The following ANKRD39 variants were observed in gnomAD, a reference collection of about 807,000 sequenced individuals.
ANKRD39 encodes the protein ankyrin repeat domain-containing protein 39.
ANKRD39 carries 18 observed loss-of-function variants against 20.3 expected under a neutral mutation model. The ratio of observed to expected loss-of-function variants is 0.89; its 90% CI spans 0.61 to 1.32. The LOEUF (loss-of-function observed/expected upper bound fraction) is 1.32. ANKRD39 is among the 40% of genes most tolerant of loss of function. The probability of loss-of-function intolerance (pLI) is 0.00; values close to 1 mark genes in which losing one functional copy is unlikely to be tolerated. For synonymous variants in ANKRD39, 106 were observed against 111.9 expected (o/e 0.95, Z 0.33); for missense variants, 243 against 250.7 (o/e 0.97, Z 0.21).
rs772419724 is a variant in ANKRD39, at chr2:96,857,980, G to A, written c.8C>T (p.Thr3Met). Residue 3 changes from threonine to methionine, a missense_variant, in exon 1 of 4, where the codon ACG (threonine) becomes ATG (methionine). Coordinates refer to ENST00000393537, the MANE Select transcript of ANKRD39 (RefSeq NM_016466.6). MATPRPCADGPCC... is the reference protein window; with the variant it reads MAMPRPCADGPCC... ...GGGCCCGTCCGCGCAGGGCCGAGGC[G>A]TCGCCATCCCGGCCCCGGCGTCAGT... The A allele has an allele frequency of 2.0e-6, 3 of 1,536,384 alleles. No homozygotes were observed. Among genetic ancestry groups the A allele is most frequent in the East Asian group, 2.5e-5 (1 of 40,136 alleles).
chr2:96,856,171 T>C (rs1026176898), intron 1 of ANKRD39, among the ~76,000 whole-genome samples: 1 of 152,104 alleles, frequency 6.6e-6, no homozygotes, highest in Non-Finnish European at 1.5e-5. Context: ...GCGGTAAAAA[T>C]TGTTTTTTAT....
In ANKRD39 at chr2:96,848,478, C is replaced by G. The variant is rs180811750; in HGVS notation, c.409-34G>C. 4.2e-4 allele frequency: 681 copies of G among 1,609,576 alleles called. 3 individuals are homozygous for G. In the African/African-American group the frequency reaches 8.2e-3, roughly 19 times the overall value. ...AGAAAGGCTGGAATCAAAGGGCATACCCCCCCACTGGGCTCTGCTCTCTCT... is the reference window on the plus strand; with the variant it reads ...AGAAAGGCTGGAATCAAAGGGCATAGCCCCCCACTGGGCTCTGCTCTCTCT... On this transcript the variant is annotated intron_variant, in intron 3 of 3. Coordinates refer to ENST00000393537, the MANE Select transcript of ANKRD39 (RefSeq NM_016466.6).
intron 3 of ANKRD39, among the ~76,000 whole-genome samples, chr2:96,851,607 A>G (rs2153359732): frequency 6.6e-6 from 1 of 152,298 alleles, no homozygotes; most frequent in African/African-American, 2.4e-5. Context: ...CAACAATTTG[A>G]ACAGGACAAA....
Position 96,848,371 on chromosome 2 carries a change from TC to T in ANKRD39, c.481del (p.Asp161ThrfsTer6), listed in dbSNP as rs1559024197. On this transcript the variant is annotated frameshift_variant, in exon 4 of 4. Transcript: ENST00000393537. LOFTEE classifies it high-confidence loss of function. ...GTCACATGCTAGCCGTGCCTTTCGG[TC>T]CCGGATGGCCTTCAGGGCTGGGCTG... ...QHSPALKAIR[D>X]RKARLACDLL... The T allele has an allele frequency of 1.9e-6, 3 of 1,614,164 alleles. No individual in the cohort carries two copies. Among genetic ancestry groups the T allele is most frequent in the East Asian group, 2.2e-5 (1 of 44,884 alleles).
chr2:96,853,992 T>C (rs190807319), intron 2 of ANKRD39, among the ~76,000 whole-genome samples: 20 of 152,266 alleles, frequency 1.3e-4, no homozygotes, highest in Admixed American at 7.2e-4. Context: ...CTGGGTGTGG[T>C]GGCACATGCC....
intron 1 of ANKRD39, among the ~76,000 whole-genome samples, chr2:96,857,489 C>G (rs1363267818): frequency 6.6e-6 from 1 of 152,272 alleles, no homozygotes; most frequent in East Asian, 1.9e-4. Context: ...GGCCACTGCT[C>G]TCCTTCACCG....
At position 96,857,996 on chromosome 2, in the gene ANKRD39, C is replaced by G; in HGVS notation, c.-9G>C. On this transcript the variant is annotated 5_prime_UTR_variant, in exon 1 of 4. Transcript: ENST00000393537. The stretch of plus-strand genomic sequence containing the variant: ...GGCCGAGGCGTCGCCATCCCGGCCC[C>G]GGCGTCAGTCGATCCGCCCCGGGTC... 6.6e-7 allele frequency: 1 copy of G among 1,520,848 alleles called. No homozygotes were observed. Among genetic ancestry groups the G allele is most frequent in the Non-Finnish European group, 8.8e-7 (1 of 1,140,606 alleles). The allele number at this position is 1,520,848 out of a possible 1,614,324, so 94.2% of individuals were successfully genotyped here.
chr2:96,855,046 A>G (rs1376989123), intron 1 of ANKRD39, among the ~76,000 whole-genome samples: 1 of 152,246 alleles, frequency 6.6e-6, no homozygotes, highest in Non-Finnish European at 1.5e-5. Flanking sequence ...ACAAGAAGCA[A>G]TCTGCTGCCC....
intron 1 of ANKRD39, among the ~76,000 whole-genome samples, chr2:96,857,657 C>T (rs1020932265): frequency 4.6e-5 from 7 of 152,274 alleles, no homozygotes; most frequent in African/African-American, 1.7e-4. Context: ...GAAACCAGTG[C>T]TTCCGCTTCC....
intron 1 of ANKRD39, among the ~76,000 whole-genome samples, chr2:96,857,687 T>C (rs530085232): frequency 6.6e-6 from 1 of 152,334 alleles, no homozygotes; most frequent in African/African-American, 2.4e-5. Context: ...GCGGGACAGG[T>C]GTCTCCTGGC....
At chr2:96,852,551 C>T (rs1233200277) in intron 3 of ANKRD39, among the ~76,000 whole-genome samples, 1 of 144,570 alleles carries the variant, frequency 6.9e-6, no homozygotes, top group Admixed American at 7.0e-5. Context: ...GGGGCAGGAG[C>T]AAACCCCAGG....
chr2:96,848,578 G>A (rs2079821852), intron 3 of ANKRD39, 134 bp from the exon 4 acceptor site: 1 of 1,203,344 alleles, frequency 8.3e-7, no homozygotes, highest in East Asian at 2.6e-5. Flanking sequence ...TGTAATCTCA[G>A]CACTTTGGGA....
chr2:96,851,220 G>C (rs892942832), intron 3 of ANKRD39, among the ~76,000 whole-genome samples: 43 of 151,756 alleles, frequency 2.8e-4, no homozygotes, highest in African/African-American at 1.0e-3. Flanking sequence ...GCAATGGCGC[G>C]GTCTCGGCTC....
chr2:96,848,430 AC>A lies in ANKRD39; in HGVS notation c.422del (p.Gly141ValfsTer16). On this transcript the variant is annotated frameshift_variant, in exon 4 of 4. Coordinates refer to ENST00000393537, the MANE Select transcript of ANKRD39 (RefSeq NM_016466.6). LOFTEE classifies it high-confidence loss of function. ...GGAGGAGGGAGCAGATGTCCCCGTGACCCCTCTCAGCAGCCTGTGGAGAGAA... is the reference window on the plus strand; with the variant it reads ...GGAGGAGGGAGCAGATGTCCCCGTGACCCTCTCAGCAGCCTGTGGAGAGAA... ...MTSLHKAAER[G>X]HGDICSLLLQ... 2 of 1,613,848 alleles carry A rather than the reference AC, an allele frequency of 1.2e-6. No homozygotes were observed. The highest frequency in any genetic ancestry group is 8.5e-7 in the Non-Finnish European group (1 of 1,179,948).
intron 3 of ANKRD39, among the ~76,000 whole-genome samples, chr2:96,851,259 T>A (rs772365864): frequency 4.6e-5 from 7 of 151,798 alleles, no homozygotes; most frequent in East Asian, 1.9e-4. Flanking sequence ...CAGGTTCAAG[T>A]GATTCTCCTG....
rs1263631619 is a variant in ANKRD39 at position 96,853,592 on chromosome 2, G to A, written c.217C>T (p.Arg73Cys). ...AGYTALHYAS[R>C]NGHYAVCQFL... ...TGGCACACAGCGTAGTGCCCATTGC[G>A]GCTGGCATAGTGCTGCAGGGAACAG... The change falls in exon 3 of 4, where the codon CGC becomes TGC. Residue 73 changes from arginine to cysteine, a missense_variant. Arg to Cys is a radical substitution (Grantham distance 180). Transcript: ENST00000393537. 2.4e-5 allele frequency: 39 copies of A among 1,611,800 alleles called. No individual in the cohort carries two copies. Among genetic ancestry groups the A allele is most frequent in the East Asian group, 4.5e-5 (2 of 44,864 alleles).
intron 1 of ANKRD39, among the ~76,000 whole-genome samples, chr2:96,855,996 C>CAACAACAACAACAACAACAA (rs1421627916): frequency 1.0e-4 from 15 of 145,868 alleles, no homozygotes; most frequent in African/African-American, 3.5e-4. Flanking sequence ...AACAACAAAA[C>CAACAACAACAACAACAACAA]AACAACAACA....
intron 1 of ANKRD39, 86 bp from the exon 2 acceptor site, chr2:96,854,527 A>G: frequency 7.9e-7 from 1 of 1,268,006 alleles, no homozygotes; most frequent in Non-Finnish European, 1.1e-6. Flanking sequence ...TTTCTTGTCT[A>G]TAAAGTGAAG....
rs773816799 is a variant in ANKRD39 at position 96,854,345 on chromosome 2, G to A, written c.197C>T (p.Thr66Ile). 1.2e-6 allele frequency: 2 copies of A among 1,613,994 alleles called. No homozygotes were observed. The highest frequency in any genetic ancestry group is 2.7e-5 in the African/African-American group (2 of 74,936). ...TGCTCCTCCCTAGCTCACCAGCGCA[G>A]TGTAGCCGGCCGAGTCGGGCTGACT... ...DPSQPDSAGY[T>I]ALHYASRNGH... Residue 66 changes from threonine (T) to isoleucine (I), a missense_variant, in exon 2 of 4, where the codon ACT (threonine) becomes ATT (isoleucine). Thr to Ile is a moderately conservative substitution (Grantham distance 89). Transcript: ENST00000393537.
Sources: allele counts gnomAD v4.1 joint callset (sites outside exome capture counted in the v4.1 genomes callset), GRCh38; gene constraint gnomAD v4.1.1; transcripts MANE v1.5; gene names NCBI Gene and HGNC (gene_info 2026-07-23, HGNC 2026-07-21).